The following KCNQ1 variants were observed in gnomAD, a reference collection of about 807,000 sequenced individuals.
KCNQ1 encodes potassium voltage-gated channel subfamily Q member 1.
A neutral mutation model predicts 72.4 loss-of-function variants in KCNQ1; 49 were observed. The observed-to-expected ratio is 0.68, with a 90% CI of 0.54 to 0.86. The LOEUF is 0.86. Among genes scored for constraint, KCNQ1 ranks in the 40% least tolerant of loss-of-function variants. The pLI, the probability that KCNQ1 is intolerant of heterozygous loss-of-function variation, is 0.00. For synonymous variants in KCNQ1, 450 were observed against 412.6 expected (o/e 1.09, Z -1.10); for missense variants, 790 against 945.1 (o/e 0.84, Z 2.15).
rs986547270 is a variant in KCNQ1, at chr11:2,655,000, C to A, written c.1394-6961C>A. 2.5e-6 allele frequency: 1 copy of A among 398,454 alleles called. No individual in the cohort carries two copies. Among genetic ancestry groups the A allele is most frequent in the Non-Finnish European group, 4.4e-6 (1 of 226,082 alleles). The allele number at this position is 398,454 out of a possible 1,614,324, so 24.7% of individuals were successfully genotyped here. A position where few individuals can be genotyped will look rare whatever the true frequency, so the allele number is the denominator to read the frequency against. ...TCATGCAAAATAGAAAACACAGACA[C>A]AATAAGGAAGGAAATGAAAATCACC... On this transcript the variant is annotated intron_variant, in intron 10 of 15. Coordinates refer to ENST00000155840, the MANE Select transcript of KCNQ1 (RefSeq NM_000218.3). This position sits in a 1 kb window ranked among gnomAD's most constrained non-coding sequence, Gnocchi z 6.4.
At chr11:2,523,361 T>C (rs115593084) in intron 1 of KCNQ1, among the ~76,000 whole-genome samples, 4,121 of 152,086 alleles carry the variant, frequency 0.027, 155 homozygotes, top group African/African-American at 0.087. Flanking sequence ...CCACGCCCAG[T>C]TAATTTTTTC....
chr11:2,587,792 C>A, intron 9 of KCNQ1, 100 bp downstream of exon 9: 2 of 1,523,100 alleles, frequency 1.3e-6, no homozygotes, highest in Non-Finnish European at 1.8e-6. Flanking sequence ...ATGCATTTGG[C>A]TTGGTACAGC....
At chr11:2,634,901 G>C (rs1849432312) in intron 10 of KCNQ1, 1 of 152,156 alleles carries the variant, frequency 6.6e-6, no homozygotes, top group Non-Finnish European at 1.5e-5. Context: ...ATCTCATTGT[G>C]GTTTTTTGAT....
chr11:2,807,247 C>T (rs544815966), intron 15 of KCNQ1, among the ~76,000 whole-genome samples: 1 of 152,328 alleles, frequency 6.6e-6, no homozygotes, highest in Non-Finnish European at 1.5e-5. Flanking sequence ...ACGCCTCGAA[C>T]GTGGCCGGCT....
chr11:2,738,503 C>A (rs189606954), intron 11 of KCNQ1, among the ~76,000 whole-genome samples: 84 of 152,298 alleles, frequency 5.5e-4, no homozygotes, highest in Non-Finnish European at 9.1e-4. Flanking sequence ...GGGGCAGAGA[C>A]CCTGGCCAGA....
At chr11:2,629,051 C>A (rs1849309157) in intron 10 of KCNQ1, 1 of 398,150 alleles carries the variant, frequency 2.5e-6, no homozygotes, top group South Asian at 1.3e-4. Context: ...TCTTATTGCT[C>A]AAGTATGCTT....
intron 10 of KCNQ1, chr11:2,615,896 T>G (rs2106466): frequency 0.64 from 255,349 of 397,830 alleles, 83,238 homozygotes; most frequent in East Asian, 0.86. Flanking sequence ...ATTGCAAAGT[T>G]TTTTCTCCTC....
At chr11:2,680,918 TG>T in intron 11 of KCNQ1, 1 of 398,578 alleles carries the variant, frequency 2.5e-6, no homozygotes, top group East Asian at 3.6e-5. Flanking sequence ...TGACCCAATT[TG>T]GGTTTGTATT....
At chr11:2,662,363 T>C (rs1398204481) in intron 11 of KCNQ1, 18 of 549,632 alleles carry the variant, frequency 3.3e-5, no homozygotes, top group Non-Finnish European at 4.2e-5. Context: ...TCTGAGATTG[T>C]TTTTCTCTCC....
At position 2,825,173 on chromosome 11, in the gene KCNQ1, C is replaced by A. The variant is rs934204262; in HGVS notation, c.1795-22594C>A. Among the ~76,000 whole-genome samples, 8 of 141,292 alleles carry A rather than the reference C, an allele frequency of 5.7e-5. No homozygotes were observed. In the Admixed American group the frequency reaches 5.9e-4, roughly 10 times the overall value. The allele number at this position is 141,292 out of a possible 152,430, so 92.7% of individuals were successfully genotyped here. A position where few individuals can be genotyped will look rare whatever the true frequency, so the allele number is the denominator to read the frequency against. ...GAACATGGGAGGTGCCGTTTCCCTGCGGCGGGACTGGGGCTGGGGCCCGGC... is the reference window on the plus strand; with the variant it reads ...GAACATGGGAGGTGCCGTTTCCCTGAGGCGGGACTGGGGCTGGGGCCCGGC... On this transcript the variant is annotated intron_variant, in intron 15 of 15. Transcript: ENST00000155840.
At chr11:2,667,816 G>T in intron 11 of KCNQ1, 1 of 398,676 alleles carries the variant, frequency 2.5e-6, no homozygotes, top group South Asian at 1.3e-4. Flanking sequence ...CCCTGGTATA[G>T]GGTGGTGGTG....
intron 11 of KCNQ1, chr11:2,681,353 C>A (rs1850393458): frequency 5.0e-6 from 2 of 398,310 alleles, no homozygotes; most frequent in Admixed American, 4.4e-5. Flanking sequence ...CTTGTAGCTC[C>A]CTGCTCACTC....
rs973032997 is a variant in KCNQ1, at chr11:2,686,969, A to T, written c.1514+24888A>T. Reference sequence around the variant, plus strand: ...TGCCCAGCTTACCATCCTGATGCAGAGGCAAGGACAACACTGGGCCCTGAC... The same window carrying T: ...TGCCCAGCTTACCATCCTGATGCAGTGGCAAGGACAACACTGGGCCCTGAC... On this transcript the variant is annotated intron_variant, in intron 11 of 15. Transcript: ENST00000155840. The T allele has an allele frequency of 1.8e-5, 7 of 398,538 alleles. No homozygotes were observed. In the Admixed American group the frequency reaches 2.2e-4, roughly 13 times the overall value. 24.7% of individuals were successfully genotyped at this position (398,538 alleles called of 1,614,324 possible).
Position 2,669,113 on chromosome 11 carries a change from G to A in KCNQ1, c.1514+7032G>A, listed in dbSNP as rs936671977. 5.0e-6 allele frequency: 2 copies of A among 398,588 alleles called. No homozygotes were observed. The highest frequency in any genetic ancestry group is 4.4e-5 in the Admixed American group (1 of 22,712). 24.7% of individuals were successfully genotyped at this position (398,588 alleles called of 1,614,324 possible). On this transcript the variant is annotated intron_variant, in intron 11 of 15. Coordinates refer to ENST00000155840, the MANE Select transcript of KCNQ1 (RefSeq NM_000218.3). The surrounding 1 kb of genome is among the most constrained non-coding windows in gnomAD (Gnocchi z 5.6). ...TACAATCAGCTCACTGGCTACGTGT[G>A]GCTCTGTTTCTGGACCCTATTGGGT...
intron 10 of KCNQ1, chr11:2,641,916 A>T: frequency 2.5e-6 from 1 of 398,436 alleles, no homozygotes; most frequent in Non-Finnish European, 4.4e-6. Context: ...TGTTCTTGGC[A>T]TCTTTGTCAA....
rs186189569 is a variant in KCNQ1 at position 2,531,731 on chromosome 11, C to T, written c.477+3713C>T. On this transcript the variant is annotated intron_variant, in intron 2 of 15. Transcript: ENST00000155840. ...TAGTCCCCCTTGCAGTCCCCTCTGC[C>T]TTTTCCACTGCTTGGAAGGCAGAGA... Among the ~76,000 whole-genome samples, 201 of 152,340 alleles carry T rather than the reference C, an allele frequency of 1.3e-3. 2 individuals carry two copies. The highest frequency in any genetic ancestry group is 4.6e-3 in the African/African-American group (192 of 41,568).
At position 2,451,583 on chromosome 11, in the gene KCNQ1, A is replaced by G. The variant is rs907603500; in HGVS notation, c.386+6099A>G. ...ATGGACCAGCAGAAAGGCTCCCAGG[A>G]GGGTCGTGGCTCCCTCATCGGCACC... On this transcript the variant is annotated intron_variant, in intron 1 of 15. Coordinates refer to ENST00000155840, the MANE Select transcript of KCNQ1 (RefSeq NM_000218.3). This position sits in a 1 kb window ranked among gnomAD's most constrained non-coding sequence, Gnocchi z 6.4. Among the ~76,000 whole-genome samples, 1 of 152,138 alleles carries G rather than the reference A, an allele frequency of 6.6e-6. No individual in the cohort carries two copies. The highest frequency in any genetic ancestry group is 1.5e-5 in the Non-Finnish European group (1 of 68,020).
At position 2,579,795 on chromosome 11, in the gene KCNQ1, C is replaced by T. The variant is rs995656333; in HGVS notation, c.922-3640C>T. Among the ~76,000 whole-genome samples, 3 of 152,204 alleles carry T rather than the reference C, an allele frequency of 2.0e-5. No homozygotes were observed. The highest frequency in any genetic ancestry group is 2.9e-5 in the Non-Finnish European group (2 of 68,000). On this transcript the variant is annotated intron_variant, in intron 6 of 15. Transcript: ENST00000155840. The surrounding 1 kb of genome is among the most constrained non-coding windows in gnomAD (Gnocchi z 6.0). ...CACCCAGCCAGCCAGCAGGAGCCCA[C>T]GTGCACCCAGCTCAGCCCCAGGAGG...
rs371630697 is a variant in KCNQ1 at position 2,488,281 on chromosome 11, T to C, written c.387-39647T>C. Among the ~76,000 whole-genome samples the C allele has an allele frequency of 1.0e-3, 156 of 152,352 alleles. 1 individual carries two copies. Among genetic ancestry groups the C allele is most frequent in the African/African-American group, 3.5e-3 (144 of 41,586 alleles). ...ACTCAGTTTGCTATTTTGTTGAGAATTTTGCATCAGTTTTCATAAGGGATA... is the reference window on the plus strand; with the variant it reads ...ACTCAGTTTGCTATTTTGTTGAGAACTTTGCATCAGTTTTCATAAGGGATA... On this transcript the variant is annotated intron_variant, in intron 1 of 15. Coordinates refer to ENST00000155840, the MANE Select transcript of KCNQ1 (RefSeq NM_000218.3). The surrounding 1 kb of genome is among the most constrained non-coding windows in gnomAD (Gnocchi z 5.1).
Sources: allele counts gnomAD v4.1 joint callset (sites outside exome capture counted in the v4.1 genomes callset), GRCh38; gene constraint gnomAD v4.1.1; non-coding constraint Gnocchi (gnomAD v3.1); transcripts MANE v1.5; gene names NCBI Gene and HGNC (gene_info 2026-07-23, HGNC 2026-07-21).